Variants in ERC2 observed in about 807,000 individuals in gnomAD.
The protein encoded by ERC2 is ELKS/RAB6-interacting/CAST family member 2, also known as ERC protein 2.
ERC2 carries 42 observed loss-of-function variants against 114.8 expected under a neutral mutation model. The ratio of observed to expected loss-of-function variants is 0.37; its 90% confidence interval spans 0.29 to 0.47. ERC2 has a LOEUF of 0.47. Among genes scored for constraint, ERC2 ranks in the 20% least tolerant of loss-of-function variants. The probability of loss-of-function intolerance (pLI) is 0.99; values close to 1 mark genes in which losing one functional copy is unlikely to be tolerated. For synonymous variants in ERC2, 454 were observed against 425.5 expected, an observed-to-expected ratio of 1.07 and a Z score of -0.82; for missense variants, 939 against 1,150.7, an observed-to-expected ratio of 0.82 and a Z score of 2.66.
In ERC2 at chr3:56,396,199, G is replaced by A. The variant is rs1354303239; in HGVS notation, c.657+38152C>T. Among the ~76,000 whole-genome samples, 3 of 152,162 alleles carry A rather than the reference G, an allele frequency of 2.0e-5. No individual in the cohort carries two copies. The East Asian group carries it at 5.8e-4, about 29-fold the overall frequency. The stretch of plus-strand genomic sequence containing the variant: ...TTTACTTAGAAATTCTCTTCTAGGA[G>A]TTTATTCTTCAGACATTCTTGCTCA... On this transcript the variant is annotated intron_variant, in intron 2 of 17. Transcript: ENST00000288221.
chr3:56,381,754 AG>A (rs1388649345), intron 2 of ERC2, among the ~76,000 whole-genome samples: 1 of 149,918 alleles, frequency 6.7e-6, no homozygotes, highest in African/African-American at 2.5e-5. Context: ...AGGTGGAAAA[AG>A]AAAAAAAGGG....
chr3:56,246,092 TTA>T (rs1491506747), intron 3 of ERC2, among the ~76,000 whole-genome samples: 1 of 71,544 alleles, frequency 1.4e-5, no homozygotes, highest in African/African-American at 4.8e-5. Context: ...CTCAGATTCT[TTA>T]AAAAAAAAAA....
chr3:55,814,566 A>T (rs1162170334), intron 14 of ERC2, among the ~76,000 whole-genome samples: 1 of 152,230 alleles, frequency 6.6e-6, no homozygotes. Context: ...ACCATAGCTC[A>T]GGCATGAAAT....
chr3:55,744,853 C>A (rs186625215), intron 14 of ERC2, among the ~76,000 whole-genome samples: 1 of 152,208 alleles, frequency 6.6e-6, no homozygotes, highest in Non-Finnish European at 1.5e-5. Context: ...GACCCTCTAC[C>A]GGTAACCGGA....
intron 1 of ERC2, among the ~76,000 whole-genome samples, chr3:56,446,807 G>T (rs1031329862): frequency 1.3e-5 from 2 of 151,180 alleles, no homozygotes; most frequent in East Asian, 3.9e-4. Context: ...TGTATTTTGG[G>T]GTAGGGACAG....
At chr3:56,086,589 C>G (rs1032807349) in intron 6 of ERC2, among the ~76,000 whole-genome samples, 1 of 151,656 alleles carries the variant, frequency 6.6e-6, no homozygotes, top group African/African-American at 2.4e-5. Context: ...GACATCATCT[C>G]TAAAACCAAA....
chr3:55,864,062 C>G (rs975880098), intron 14 of ERC2, among the ~76,000 whole-genome samples: 5 of 148,656 alleles, frequency 3.4e-5, no homozygotes, highest in African/African-American at 1.2e-4. Context: ...ATCCCATATA[C>G]TCAGTAGACT....
chr3:56,042,865 C>T (rs2075269662), intron 7 of ERC2, among the ~76,000 whole-genome samples: 1 of 152,056 alleles, frequency 6.6e-6, no homozygotes, highest in Non-Finnish European at 1.5e-5. Flanking sequence ...TGTAATTTTT[C>T]CTTTAGACAT....
chr3:55,921,222 A>C (rs2065410112), intron 13 of ERC2, among the ~76,000 whole-genome samples: 1 of 152,258 alleles, frequency 6.6e-6, no homozygotes, highest in Middle Eastern at 3.4e-3. Context: ...TGAATTTGAA[A>C]TCTGGCTGAC....
chr3:56,395,404 G>C (rs996902648), intron 2 of ERC2, among the ~76,000 whole-genome samples: 2 of 152,012 alleles, frequency 1.3e-5, no homozygotes, highest in Non-Finnish European at 2.9e-5. Context: ...CTTTGAATTT[G>C]GTCTTCGATT....
intron 17 of ERC2, among the ~76,000 whole-genome samples, chr3:55,605,598 G>A (rs921525427): frequency 1.3e-5 from 2 of 152,180 alleles, no homozygotes; most frequent in Admixed American, 6.5e-5. Context: ...TTCAGAGGCT[G>A]TACTGCCAAG....
intron 13 of ERC2, among the ~76,000 whole-genome samples, chr3:55,898,832 ATATGCATTG>A (rs1346943504): frequency 6.6e-6 from 1 of 152,238 alleles, no homozygotes. Context: ...CATACACAAA[ATATGCATTG>A]TTCATATTTT....
At chr3:56,160,660 G>C (rs970357496) in intron 4 of ERC2, among the ~76,000 whole-genome samples, 1 of 152,116 alleles carries the variant, frequency 6.6e-6, no homozygotes, top group African/African-American at 2.4e-5. Flanking sequence ...TATACATATA[G>C]TGAAATGTAA....
intron 3 of ERC2, among the ~76,000 whole-genome samples, chr3:56,185,975 C>T (rs1057182661): frequency 6.8e-4 from 104 of 151,994 alleles, no homozygotes; most frequent in African/African-American, 2.4e-3. Flanking sequence ...GTGCAAGGAC[C>T]ACAGGAAGCC....
intron 3 of ERC2, among the ~76,000 whole-genome samples, chr3:56,189,787 C>T (rs1302416474): frequency 6.6e-6 from 1 of 152,170 alleles, no homozygotes; most frequent in Admixed American, 6.5e-5. Flanking sequence ...GTGAACACAA[C>T]CCGCTGGCAC....
intron 6 of ERC2, among the ~76,000 whole-genome samples, chr3:56,112,178 A>G (rs771428779): frequency 3.9e-5 from 6 of 152,188 alleles, no homozygotes; most frequent in Non-Finnish European, 7.3e-5. Flanking sequence ...CAACTCCAGG[A>G]GGTTCTCATC....
intron 3 of ERC2, among the ~76,000 whole-genome samples, chr3:56,214,178 G>C (rs1345324325): frequency 1.3e-5 from 2 of 152,176 alleles, no homozygotes; most frequent in East Asian, 1.9e-4. Flanking sequence ...GAAGGCTTCA[G>C]ACAATCAAAC....
chr3:55,831,843 T>A (rs1288959791), intron 14 of ERC2, among the ~76,000 whole-genome samples: 1 of 152,206 alleles, frequency 6.6e-6, no homozygotes, highest in Non-Finnish European at 1.5e-5. Flanking sequence ...AGGAGTTCAC[T>A]TTCCTAGTCA....
chr3:55,626,068 G>C (rs1177966312), intron 17 of ERC2, among the ~76,000 whole-genome samples: 1 of 152,150 alleles, frequency 6.6e-6, no homozygotes, highest in Admixed American at 6.5e-5. Context: ...GCTTCCCAGA[G>C]TCCATCTTGC....
Sources: gnomAD v4.1 joint callset for allele counts (sites outside exome capture counted in the v4.1 genomes callset) on GRCh38, gnomAD v4.1.1 for gene constraint, MANE v1.5 for transcripts, NCBI Gene and HGNC (gene_info 2026-07-23, HGNC 2026-07-21) for gene names.